Variants in TMPRSS6 observed in about 807,000 individuals in gnomAD.
The protein encoded by TMPRSS6 is transmembrane protease serine 6.
TMPRSS6 carries 67 observed loss-of-function variants against 101.5 expected under a neutral mutation model. The ratio of observed to expected loss-of-function variants is 0.66; its 90% confidence interval spans 0.54 to 0.81. The LOEUF (loss-of-function observed/expected upper bound fraction) is 0.81. TMPRSS6 is among the 30% of genes least tolerant of loss of function. The pLI, the probability that TMPRSS6 is intolerant of heterozygous loss-of-function variation, is 0.00. For missense variants in TMPRSS6, 1,034 were observed against 1,088.7 expected (o/e 0.95, Z 0.71); for synonymous variants, 453 against 464.9 (o/e 0.97, Z 0.33).
rs1205121560 is a variant in TMPRSS6, at chr22:37,084,720, G to A, written c.1086+7C>T. ...AGGGCAGGTGGGCAGGCAGGGTGGG[G>A]TCTCACCGTGAGGTGCCAGGAGCAG... On this transcript the variant is annotated splice_region_variant and intron_variant, in intron 9 of 17. Coordinates refer to ENST00000676104, the MANE Select transcript of TMPRSS6 (RefSeq NM_001374504.1). 1.3e-6 allele frequency: 2 copies of A among 1,555,614 alleles called. No homozygotes were observed. Among genetic ancestry groups the A allele is most frequent in the African/African-American group, 2.7e-5 (2 of 73,686 alleles).
chr22:37,069,098 C>A lies in TMPRSS6; in HGVS notation c.2088G>T (p.Thr696=). Residue 696 remains threonine, a synonymous_variant, in exon 16 of 18, where the codon ACG becomes ACT. Transcript: ENST00000676104. This position sits in a 1 kb window ranked among gnomAD's most constrained non-coding sequence, Gnocchi z 4.8. ...FFEPGLHCWI[T]GWGALREGGP... The stretch of plus-strand genomic sequence containing the variant: ...CGCCCTCGCGCAAGGCGCCCCAGCC[C>A]GTAATCCAGCAGTGCAGGCCGGGCT... The A allele has an allele frequency of 6.4e-7, 1 of 1,551,330 alleles. No individual in the cohort carries two copies. The highest frequency in any genetic ancestry group is 8.7e-7 in the Non-Finnish European group (1 of 1,152,390).
At position 37,109,645 on chromosome 22, in the gene TMPRSS6, G is replaced by A. The variant is rs1930949977; in HGVS notation, c.-144C>T. On this transcript the variant is annotated 5_prime_UTR_variant, in exon 1 of 18. An upstream open reading frame in the 5' UTR gains an earlier in-frame stop. Transcript: ENST00000676104. ...GCCATGACCAGGGTGTCTGGCCCTT[G>A]TCCCCTGTGGCCTGTGGCCTCAGGC... is the stretch of plus-strand genomic sequence containing the variant. 6.6e-6 allele frequency: 1 copy of A among 152,266 alleles called. No homozygotes were observed. The highest frequency in any genetic ancestry group is 6.5e-5 in the Admixed American group (1 of 15,286). 9.4% of individuals were successfully genotyped at this position (152,266 alleles called of 1,614,324 possible).
At position 37,084,770 on chromosome 22, in the gene TMPRSS6, G is replaced by C. The variant is rs951882734; in HGVS notation, c.1043C>G (p.Pro348Arg). ...SQGVLSTPYF[P>R]SYYSPQTHCS... ...GTGGGTTTGGGGCGAGTAGTAGCTG[G>C]GGAAGTACGGGGTGCTGAGGACGCC... The change falls in exon 9 of 18, where the codon CCC becomes CGC. Residue 348 changes from proline (P) to arginine (R), a missense_variant. Physicochemically the swap from Pro to Arg is moderately radical, Grantham distance 103 (BLOSUM62 -2). Transcript: ENST00000676104. The C allele has an allele frequency of 6.4e-7, 1 of 1,566,854 alleles. No individual in the cohort carries two copies. The highest frequency in any genetic ancestry group is 1.2e-5 in the South Asian group (1 of 85,176).
rs1314473785 is a variant in TMPRSS6, at chr22:37,069,597, C to T, written c.1842-253G>A. On this transcript the variant is annotated intron_variant, in intron 15 of 17. Coordinates refer to ENST00000676104, the MANE Select transcript of TMPRSS6 (RefSeq NM_001374504.1). This position sits in a 1 kb window ranked among gnomAD's most constrained non-coding sequence, Gnocchi z 4.8. ...TGGGTGTGCCTCTCTAAGCCTCTGC[C>T]ACCTCATCTGCAAATGGGAATGGCA... 2.6e-5 allele frequency among the ~76,000 whole-genome samples: 4 copies of T among 152,198 alleles called. No individual in the cohort carries two copies. Among genetic ancestry groups the T allele is most frequent in the South Asian group, 4.1e-4 (2 of 4,830 alleles).
At chr22:37,073,799 A>C (rs920198081) in intron 12 of TMPRSS6, among the ~76,000 whole-genome samples, 154 bp from the exon 13 acceptor site, 7 of 152,206 alleles carry the variant, frequency 4.6e-5, no homozygotes, top group African/African-American at 1.7e-4. Context: ...CTTGTCACGA[A>C]GGCTGGAGTG....
intron 6 of TMPRSS6, among the ~76,000 whole-genome samples, chr22:37,093,916 A>C (rs1486997505): frequency 2.6e-5 from 4 of 151,966 alleles, no homozygotes; most frequent in Non-Finnish European, 5.9e-5. Context: ...CCAGCTACTC[A>C]GGAGGCTGAA....
intron 10 of TMPRSS6, among the ~76,000 whole-genome samples, chr22:37,082,238 A>G (rs1443074166): frequency 6.6e-6 from 1 of 152,076 alleles, no homozygotes; most frequent in Non-Finnish European, 1.5e-5. Context: ...TGACCACACA[A>G]GTTGTTGGGC....
chr22:37,073,228 A>G (rs1457013143), intron 13 of TMPRSS6, among the ~76,000 whole-genome samples: 1 of 151,948 alleles, frequency 6.6e-6, no homozygotes, highest in Non-Finnish European at 1.5e-5. Flanking sequence ...AGCCAAACCA[A>G]TAAATGGGTA....
chr22:37,070,361 G>A (rs1317026168), intron 15 of TMPRSS6, 123 bp downstream of exon 15: 23 of 1,280,848 alleles, frequency 1.8e-5, no homozygotes, highest in South Asian at 5.0e-5. Flanking sequence ...CATCACAGTA[G>A]CCTGTCTGGG....
chr22:37,068,615 C>T (rs80252000), intron 16 of TMPRSS6: 2 of 779,558 alleles, frequency 2.6e-6, no homozygotes, highest in African/African-American at 1.7e-5. Context: ...GTGTGACTTA[C>T]AGCAACATGT....
In TMPRSS6 at chr22:37,069,356, TGG is replaced by T; in HGVS notation, c.1842-14_1842-13del. The stretch of plus-strand genomic sequence containing the variant: ...CCGTGGAGGCCATGCTGGGGTGGGG[TGG>T]GGTGGGGTGGGGTGGGGTGAGGTGA... On this transcript the variant is annotated splice_polypyrimidine_tract_variant and intron_variant, in intron 15 of 17. Transcript: ENST00000676104. This position sits in a 1 kb window ranked among gnomAD's most constrained non-coding sequence, Gnocchi z 4.8. 4 of 123,284 alleles carry T rather than the reference TGG, an allele frequency of 3.2e-5. No homozygotes were observed. The highest frequency in any genetic ancestry group is 3.0e-5 in the Non-Finnish European group (2 of 67,616). The allele number at this position is 123,284 out of a possible 1,614,324, so 7.6% of individuals were successfully genotyped here.
chr22:37,108,011 C>T (rs749554113), intron 1 of TMPRSS6, among the ~76,000 whole-genome samples: 4 of 152,222 alleles, frequency 2.6e-5, no homozygotes, highest in African/African-American at 4.8e-5. Flanking sequence ...TTCCTCCCTA[C>T]AGAAGTCCAA....
At chr22:37,085,223 A>C (rs1017335953) in intron 8 of TMPRSS6, among the ~76,000 whole-genome samples, 1 of 152,124 alleles carries the variant, frequency 6.6e-6, no homozygotes, top group African/African-American at 2.4e-5. Flanking sequence ...GGTTCGGAGA[A>C]AAGGAGTGGC....
chr22:37,093,384 C>CTTTT (rs67659825), intron 6 of TMPRSS6, among the ~76,000 whole-genome samples: 2,221 of 82,564 alleles, frequency 0.027, 59 homozygotes, highest in African/African-American at 0.043. Context: ...TTCTTTCTTT[C>CTTTT]TTTTTTTTTT....
In TMPRSS6 at chr22:37,096,677, G is replaced by T. The variant is rs865965578; in HGVS notation, c.375C>A (p.Tyr125Ter). Residue 125 changes from tyrosine (Y) to a stop codon, truncating the protein, a stop_gained, in exon 4 of 18, where the codon TAC (tyrosine) becomes TAA (stop). Coordinates refer to ENST00000676104, the MANE Select transcript of TMPRSS6 (RefSeq NM_001374504.1). LOFTEE classifies it high-confidence loss of function. ...ELITSTRLGT[Y>*]YNSSSVYSFG... ...AGGAATAGACGGAGCTGGAGTTGTA[G>T]TAAGTTCCCAGGCGGGTGCTGGTGA... 5.7e-6 allele frequency: 9 copies of T among 1,567,438 alleles called. No homozygotes were observed. Among genetic ancestry groups the T allele is most frequent in the African/African-American group, 1.3e-5 (1 of 74,086 alleles).
intron 7 of TMPRSS6, among the ~76,000 whole-genome samples, chr22:37,086,753 C>T (rs1430175588): frequency 6.6e-6 from 1 of 152,090 alleles, no homozygotes; most frequent in Non-Finnish European, 1.5e-5. Context: ...GCTACAGAAT[C>T]ATCTGTGACC....
intron 10 of TMPRSS6, 154 bp downstream of exon 10, chr22:37,084,141 A>T (rs2543520): frequency 2.8e-6 from 2 of 710,686 alleles, no homozygotes; most frequent in Non-Finnish European, 5.0e-6. Flanking sequence ...GTCAAGGGCA[A>T]CAGGCCTGAC....
chr22:37,097,753 C>CG (rs34466070), intron 3 of TMPRSS6, among the ~76,000 whole-genome samples: 58 of 72,920 alleles, frequency 8.0e-4, no homozygotes, highest in East Asian at 5.2e-3. Context: ...GGGGCAGGAG[C>CG]GGCCACTGTC....
chr22:37,072,737 A>G (rs1601523794), intron 13 of TMPRSS6, among the ~76,000 whole-genome samples: 5 of 93,864 alleles, frequency 5.3e-5, no homozygotes, highest in East Asian at 3.9e-4. Flanking sequence ...TGGATGGATG[A>G]TGGACGGATG....
Sources: gnomAD v4.1 joint callset for allele counts (sites outside exome capture counted in the v4.1 genomes callset) on GRCh38, gnomAD v4.1.1 for gene constraint, Gnocchi (gnomAD v3.1) non-coding constraint, MANE v1.5 for transcripts, NCBI Gene and HGNC (gene_info 2026-07-23, HGNC 2026-07-21) for gene names.